NAT16: variants seen among roughly 807,000 people sequenced by gnomAD.
NAT16 encodes the protein probable N-acetyltransferase 16.
Under a neutral mutation model 15.9 loss-of-function variants are expected in NAT16, and 16 were observed. That is an observed-to-expected ratio of 1.01 (90% CI 0.68 to 1.53). The LOEUF (loss-of-function observed/expected upper bound fraction) is 1.53, where lower values mean the gene tolerates loss of function less well. Among genes scored for constraint, NAT16 ranks in the 40% most tolerant of loss-of-function variants. The pLI is 0.00. For missense variants in NAT16, 572 were observed against 508.4 expected, an observed-to-expected ratio of 1.13 and a Z score of -1.20; for synonymous variants, 260 against 241.9, an observed-to-expected ratio of 1.07 and a Z score of -0.69.
intron 1 of NAT16, among the ~76,000 whole-genome samples, chr7:101,177,776 C>T (rs546185351): frequency 3.9e-5 from 6 of 152,284 alleles, no homozygotes; most frequent in African/African-American, 1.2e-4. Flanking sequence ...ACCAGAGATG[C>T]GGTTGCTAGG....
At chr7:101,178,195 G>A (rs1797508301) in intron 1 of NAT16, among the ~76,000 whole-genome samples, 1 of 152,174 alleles carries the variant, frequency 6.6e-6, no homozygotes, top group African/African-American at 2.4e-5. Context: ...AAGGGTAGGG[G>A]TGGACGTGGG....
rs983073323 is a variant in NAT16, at chr7:101,171,454, G to T, written c.*625C>A. 3 of 152,700 alleles carry T rather than the reference G, an allele frequency of 2.0e-5. No homozygotes were observed. Among genetic ancestry groups the T allele is most frequent in the African/African-American group, 7.2e-5 (3 of 41,454 alleles). 9.5% of individuals were successfully genotyped at this position (152,700 alleles called of 1,614,324 possible). On this transcript the variant is annotated 3_prime_UTR_variant, in exon 4 of 4. Transcript: ENST00000300303. ...AATGGGCACTGCGGTGTTAAGCGTC[G>T]TAGAGATCCAGCGAGGATGAGGATG...
intron 2 of NAT16, chr7:101,173,940 G>C (rs1797402646): frequency 9.4e-6 from 2 of 211,752 alleles, no homozygotes; most frequent in Non-Finnish European, 1.8e-5. Flanking sequence ...ATGTTGCCCA[G>C]GCTGGTCTGG....
At chr7:101,177,910 G>C (rs1346248906) in intron 1 of NAT16, among the ~76,000 whole-genome samples, 6 of 152,186 alleles carry the variant, frequency 3.9e-5, no homozygotes, top group Admixed American at 3.9e-4. Context: ...GGGTCCCAGA[G>C]AACAGCAAGT....
intron 1 of NAT16, among the ~76,000 whole-genome samples, chr7:101,176,130 A>C (rs1797459987): frequency 6.6e-6 from 1 of 152,116 alleles, no homozygotes. Flanking sequence ...TGTAGACCCC[A>C]AATATCCTCC....
intron 1 of NAT16, among the ~76,000 whole-genome samples, chr7:101,176,959 G>A (rs963185583): frequency 6.6e-6 from 1 of 152,094 alleles, no homozygotes; most frequent in Admixed American, 6.6e-5. Context: ...CCAGCAGTGG[G>A]ACCAAGGAGT....
intron 2 of NAT16, chr7:101,173,751 C>G: frequency 1.9e-6 from 1 of 534,254 alleles, no homozygotes; most frequent in East Asian, 3.2e-5. Flanking sequence ...AAATTTAGGA[C>G]AGGGTCTCCT....
In NAT16 at chr7:101,174,951, C is replaced by T. The variant is rs965828178; in HGVS notation, c.-4-140G>A. 42 of 1,129,522 alleles carry T rather than the reference C, an allele frequency of 3.7e-5. No homozygotes were observed. The African/African-American group carries it at 4.0e-4, about 11-fold the overall frequency. The allele number at this position is 1,129,522 out of a possible 1,614,324, so 70.0% of individuals were successfully genotyped here. A position where few individuals can be genotyped will look rare whatever the true frequency, so the allele number is the denominator to read the frequency against. On this transcript the variant is annotated intron_variant, in intron 1 of 3. Transcript: ENST00000300303. ...TTTCTTTTATTTATTTACTTATTTA[C>T]TTATTTATTTATTTATTTTTTGAGA...
intron 1 of NAT16, among the ~76,000 whole-genome samples, chr7:101,175,733 G>A (rs1253316103): frequency 6.6e-6 from 1 of 152,044 alleles, no homozygotes; most frequent in African/African-American, 2.4e-5. Flanking sequence ...TTTAAGAACA[G>A]CCTGGGCAAT....
intron 1 of NAT16, among the ~76,000 whole-genome samples, chr7:101,177,012 G>C (rs950372089): frequency 6.6e-6 from 1 of 152,140 alleles, no homozygotes; most frequent in Non-Finnish European, 1.5e-5. Context: ...CCTAAACGCG[G>C]TATGCTTGCT....
chr7:101,178,250 C>T (rs555533044), intron 1 of NAT16, among the ~76,000 whole-genome samples: 67 of 152,202 alleles, frequency 4.4e-4, no homozygotes, highest in African/African-American at 1.5e-3. Flanking sequence ...CAATGCATCC[C>T]CCATCTTTCA....
At chr7:101,175,122 T>G (rs1201513035) in intron 1 of NAT16, among the ~76,000 whole-genome samples, 1 of 151,974 alleles carries the variant, frequency 6.6e-6, no homozygotes, top group Non-Finnish European at 1.5e-5. Context: ...GCCTGGCTAA[T>G]TTTTGTATTT....
At chr7:101,174,385 C>T (rs551525580) in intron 2 of NAT16, 111 bp downstream of exon 2, 2 of 1,385,868 alleles carry the variant, frequency 1.4e-6, no homozygotes, top group East Asian at 2.5e-5. Context: ...GCTCTATTTC[C>T]GCAGCCTCCA....
chr7:101,172,471 C>T lies in NAT16; in HGVS notation c.718G>A (p.Gly240Arg), dbSNP rs267601204. 3.1e-6 allele frequency: 5 copies of T among 1,600,098 alleles called. No homozygotes were observed. Among genetic ancestry groups the T allele is most frequent in the Non-Finnish European group, 4.2e-6 (5 of 1,177,330 alleles). Residue 240 changes from glycine (G) to arginine (R), a missense_variant, in exon 4 of 4, where the codon GGG becomes AGG. Transcript: ENST00000300303. This position sits in a 1 kb window ranked among gnomAD's most constrained non-coding sequence, Gnocchi z 4.2. ...GGCTGCCAGTCCTGGATGATGGTCC[C>T]GCCTGGAAGCACGTCGCGCTGCACG... Reference protein sequence around the residue: ...PSVQRDVLPGGTIIQDWQPYR... With the variant: ...PSVQRDVLPGRTIIQDWQPYR...
At chr7:101,173,160 A>G (rs1797374541) in intron 3 of NAT16, 136 bp downstream of exon 3, 1 of 786,358 alleles carries the variant, frequency 1.3e-6, no homozygotes, top group Non-Finnish European at 2.2e-6. Flanking sequence ...TGGGAGTCCC[A>G]GGGCAAGGCT....
At chr7:101,178,508 TG>T (rs1797513771) in intron 1 of NAT16, among the ~76,000 whole-genome samples, 1 of 151,882 alleles carries the variant, frequency 6.6e-6, no homozygotes, top group Non-Finnish European at 1.5e-5. Flanking sequence ...CGGAGGCAGC[TG>T]GTGAGTCCAG....
chr7:101,178,008 C>A (rs1797503529), intron 1 of NAT16, among the ~76,000 whole-genome samples: 1 of 152,198 alleles, frequency 6.6e-6, no homozygotes, highest in Non-Finnish European at 1.5e-5. Flanking sequence ...TTCAGTGGTG[C>A]TTCCAGCAAT....
Position 101,173,280 on chromosome 7 carries a change from T to A in NAT16, c.537+16A>T. On this transcript the variant is annotated intron_variant, in intron 3 of 3. Transcript: ENST00000300303. ...AGCAGAGAGGCCCAGCCATCCGAGC[T>A]CCCTGTCCTTCTCACCTGCTTGGTG... 1 of 1,610,156 alleles carries A rather than the reference T, an allele frequency of 6.2e-7. No homozygotes were observed. Among genetic ancestry groups the A allele is most frequent in the East Asian group, 2.2e-5 (1 of 44,830 alleles).
intron 1 of NAT16, among the ~76,000 whole-genome samples, chr7:101,177,645 C>A (rs1003207888): frequency 2.0e-5 from 3 of 152,176 alleles, no homozygotes; most frequent in Admixed American, 2.0e-4. Flanking sequence ...AGCCACCATG[C>A]CCAGCCAAGA....
Sources: gnomAD v4.1 joint callset for allele counts (sites outside exome capture counted in the v4.1 genomes callset) on GRCh38, gnomAD v4.1.1 for gene constraint, Gnocchi (gnomAD v3.1) non-coding constraint, MANE v1.5 for transcripts, NCBI Gene and HGNC (gene_info 2026-07-23, HGNC 2026-07-21) for gene names.